FGD6: variants seen among roughly 807,000 people sequenced by gnomAD.
FGD6 encodes FYVE, RhoGEF and PH domain containing 6, also known as FYVE, RhoGEF and PH domain-containing protein 6.
A neutral mutation model predicts 149.4 loss-of-function variants in FGD6; 90 were observed. The observed-to-expected ratio is 0.60, with a 90% CI of 0.51 to 0.72. The LOEUF is 0.72. Among genes scored for constraint, FGD6 ranks in the 30% least tolerant of loss-of-function variants. The pLI is 0.00. For synonymous variants in FGD6, 527 were observed against 584.0 expected (o/e 0.90, Z 1.41); for missense variants, 1,437 against 1,684.8 (o/e 0.85, Z 2.57).
chr12:95,215,726 C>CTTCCA (rs1484283226), intron 1 of FGD6, among the ~76,000 whole-genome samples: 4 of 152,202 alleles, frequency 2.6e-5, no homozygotes, highest in African/African-American at 9.6e-5. Context: ...GAATCATGAA[C>CTTCCA]TTCCAGTCTG....
intron 3 of FGD6, among the ~76,000 whole-genome samples, chr12:95,169,202 T>C (rs1317738297): frequency 1.3e-5 from 2 of 152,260 alleles, no homozygotes. Flanking sequence ...GAACAAAATC[T>C]AGTATTTGAT....
At chr12:95,206,155 G>C (rs1168169883) in intron 2 of FGD6, among the ~76,000 whole-genome samples, 1 of 151,878 alleles carries the variant, frequency 6.6e-6, no homozygotes, top group Non-Finnish European at 1.5e-5. Flanking sequence ...ATGGCCAACA[G>C]AAAACACACC....
At chr12:95,108,649 A>G in intron 9 of FGD6, 88 bp from the exon 10 acceptor site, 1 of 1,479,108 alleles carries the variant, frequency 6.8e-7, no homozygotes, top group Non-Finnish European at 9.4e-7. Context: ...GGGACAAGAT[A>G]GCTAGTTTAT....
intron 2 of FGD6, among the ~76,000 whole-genome samples, chr12:95,201,995 CACACAT>C (rs1179424492): frequency 8.1e-4 from 102 of 125,580 alleles, no homozygotes; most frequent in Non-Finnish European, 1.5e-3. Context: ...CACACACACA[CACACAT>C]CTTCTTCTTC....
chr12:95,186,225 C>CTTTTTTTTTTTTTT lies in FGD6; in HGVS notation c.2442-13482_2442-13481insAAAAAAAAAAAAAA, dbSNP rs1881428152. Among the ~76,000 whole-genome samples, 23 of 71,184 alleles carry CTTTTTTTTTTTTTT rather than the reference C, an allele frequency of 3.2e-4. 10 individuals carry two copies. The highest frequency in any genetic ancestry group is 2.9e-3 in the East Asian group (6 of 2,076). The allele number at this position is 71,184 out of a possible 152,430, so 46.7% of individuals were successfully genotyped here. A position where few individuals can be genotyped will look rare whatever the true frequency, so the allele number is the denominator to read the frequency against. ...AGCTAAGAATGCTTCTTATATTCTT[C>CTTTTTTTTTTTTTT]TTCTTTTTTTTTTTTTTTTTTTTTT... On this transcript the variant is annotated intron_variant, in intron 2 of 20. Transcript: ENST00000343958.
In FGD6 at chr12:95,118,739, A is replaced by G. The variant is rs73370270; in HGVS notation, c.3083-5038T>C. On this transcript the variant is annotated intron_variant, in intron 8 of 20. Coordinates refer to ENST00000343958, the MANE Select transcript of FGD6 (RefSeq NM_018351.4). ...TTTCTTCTTTCCTCCATAAATATGT[A>G]GTGGGATCAGCAACACATACAGAAT... 4.4e-3 allele frequency among the ~76,000 whole-genome samples: 665 copies of G among 152,332 alleles called. 5 individuals are homozygous for G. The highest frequency in any genetic ancestry group is 0.015 in the African/African-American group (627 of 41,570).
Position 95,120,508 on chromosome 12 carries a change from G to A in FGD6, c.3083-6807C>T, listed in dbSNP as rs551903536. On this transcript the variant is annotated intron_variant, in intron 8 of 20. Transcript: ENST00000343958. The stretch of plus-strand genomic sequence containing the variant: ...TCAAGACCAGCCTGGCCAACATAGC[G>A]AAACCCTGTCTCTACTAAAAATACA... Among the ~76,000 whole-genome samples the A allele has an allele frequency of 6.6e-5, 10 of 151,806 alleles. No individual in the cohort carries two copies. The South Asian group carries it at 1.7e-3, about 25-fold the overall frequency.
chr12:95,124,417 G>A (rs377304341), intron 8 of FGD6, among the ~76,000 whole-genome samples: 8 of 152,156 alleles, frequency 5.3e-5, no homozygotes, highest in African/African-American at 1.7e-4. Flanking sequence ...ACAGCCAAGC[G>A]AAGAATAAAG....
intron 8 of FGD6, among the ~76,000 whole-genome samples, chr12:95,121,374 C>T (rs1262670346): frequency 2.0e-5 from 3 of 148,250 alleles, no homozygotes; most frequent in Non-Finnish European, 4.4e-5. Context: ...CCCTTGAACC[C>T]AGGAGGTGGA....
At chr12:95,131,001 A>G (rs1879503654) in intron 8 of FGD6, among the ~76,000 whole-genome samples, 1 of 152,072 alleles carries the variant, frequency 6.6e-6, no homozygotes, top group Non-Finnish European at 1.5e-5. Context: ...CCTTGGGAGG[A>G]CATTTCACCT....
rs1263172579 is a variant in FGD6 at position 95,135,506 on chromosome 12, AC to A, written c.2995-681del. Among the ~76,000 whole-genome samples, 4 of 151,778 alleles carry A rather than the reference AC, an allele frequency of 2.6e-5. No homozygotes were observed. The East Asian group carries it at 5.8e-4, about 22-fold the overall frequency. ...CAAAGACATTTGGTTATCCCTTGAA[AC>A]CTCTCTTCCTTAGTATGTACAACAG... On this transcript the variant is annotated intron_variant, in intron 7 of 20. Coordinates refer to ENST00000343958, the MANE Select transcript of FGD6 (RefSeq NM_018351.4).
chr12:95,142,334 G>A (rs1592849651), intron 5 of FGD6, among the ~76,000 whole-genome samples: 1 of 151,894 alleles, frequency 6.6e-6, no homozygotes, highest in Non-Finnish European at 1.5e-5. Context: ...TAGTAGAGAC[G>A]GCGTTTCACC....
intron 3 of FGD6, among the ~76,000 whole-genome samples, chr12:95,157,929 C>A (rs1299346730): frequency 6.6e-6 from 1 of 151,650 alleles, no homozygotes; most frequent in Non-Finnish European, 1.5e-5. Context: ...CTCACTGTAA[C>A]CTCCACCTCC....
rs1364784961 is a variant in FGD6 at position 95,084,660 on chromosome 12, A to G, written c.4108-14T>C. 4 of 1,560,154 alleles carry G rather than the reference A, an allele frequency of 2.6e-6. No individual in the cohort carries two copies. The highest frequency in any genetic ancestry group is 3.4e-6 in the Non-Finnish European group (4 of 1,161,826). On this transcript the variant is annotated splice_polypyrimidine_tract_variant and intron_variant, in intron 19 of 20. Coordinates refer to ENST00000343958, the MANE Select transcript of FGD6 (RefSeq NM_018351.4). Reference sequence around the variant, plus strand: ...AGCGGCCACGTCCTAATTTAAAAACATACAAATGGAGAAAAGTTTTTAGAT... The same window carrying G: ...AGCGGCCACGTCCTAATTTAAAAACGTACAAATGGAGAAAAGTTTTTAGAT...
intron 15 of FGD6, among the ~76,000 whole-genome samples, chr12:95,093,531 A>G (rs543682618): frequency 2.6e-5 from 4 of 151,166 alleles, no homozygotes; most frequent in Admixed American, 6.6e-5. Context: ...AATAACGACA[A>G]TTAGCATGGT....
chr12:95,162,026 T>C (rs1231330297), intron 3 of FGD6, among the ~76,000 whole-genome samples: 1 of 149,980 alleles, frequency 6.7e-6, no homozygotes, highest in Non-Finnish European at 1.5e-5. Context: ...TCTCAACATT[T>C]TGGGAGGCAG....
At position 95,080,149 on chromosome 12, in the gene FGD6, A is replaced by T. The variant is rs1245135899; in HGVS notation, c.*1371T>A. 1 of 152,018 alleles carries T rather than the reference A, an allele frequency of 6.6e-6. No homozygotes were observed. The highest frequency in any genetic ancestry group is 2.4e-5 in the African/African-American group (1 of 41,374). 9.4% of individuals were successfully genotyped at this position (152,018 alleles called of 1,614,324 possible). A position where few individuals can be genotyped will look rare whatever the true frequency, so the allele number is the denominator to read the frequency against. ...GTATTTTTAATAGAGATGGGGTTTC[A>T]CCATATTGGCCAGGCTGGTCTCGAT... is the stretch of plus-strand genomic sequence containing the variant. On this transcript the variant is annotated 3_prime_UTR_variant, in exon 21 of 21. Coordinates refer to ENST00000343958, the MANE Select transcript of FGD6 (RefSeq NM_018351.4).
chr12:95,186,228 C>CTTTTTTTTTTTTTTT (rs1174763781), intron 2 of FGD6, among the ~76,000 whole-genome samples: 6 of 38,932 alleles, frequency 1.5e-4, no homozygotes, highest in Non-Finnish European at 3.0e-4. Flanking sequence ...TATTCTTCTT[C>CTTTTTTTTTTTTTTT]TTTTTTTTTT....
At chr12:95,117,900 G>A (rs1879067402) in intron 8 of FGD6, among the ~76,000 whole-genome samples, 1 of 152,136 alleles carries the variant, frequency 6.6e-6, no homozygotes, top group South Asian at 2.1e-4. Context: ...AACTAGCTGG[G>A]CATGGGGGCG....
Sources: allele counts gnomAD v4.1 joint callset (sites outside exome capture counted in the v4.1 genomes callset), GRCh38; gene constraint gnomAD v4.1.1; transcripts MANE v1.5; gene names NCBI Gene and HGNC (gene_info 2026-07-23, HGNC 2026-07-21).